ANK1: variants seen among roughly 807,000 people sequenced by gnomAD.
The protein encoded by ANK1 is ankyrin 1, also known as ankyrin-1.
In ANK1, 51 loss-of-function variants were observed where a neutral mutation model predicts 210.4. The observed-to-expected ratio is 0.24, with a 90% confidence interval of 0.19 to 0.31. ANK1 has a LOEUF of 0.31. ANK1 is among the 10% of genes least tolerant of loss of function. The pLI, the probability that ANK1 is intolerant of heterozygous loss-of-function variation, is 1.00. For synonymous variants in ANK1, 967 were observed against 1,025.9 expected, an observed-to-expected ratio of 0.94 and a Z score of 1.10; for missense variants, 2,051 against 2,504.4, an observed-to-expected ratio of 0.82 and a Z score of 3.86.
chr8:41,771,644 TTTTACCTAC>T (rs1842987272), intron 1 of ANK1, among the ~76,000 whole-genome samples: 1 of 152,200 alleles, frequency 6.6e-6, no homozygotes, highest in Admixed American at 6.5e-5. Context: ...TTGCTAAATA[TTTTACCTAC>T]TGTCTCCTTG....
chr8:41,780,151 C>T (rs542022953), intron 1 of ANK1, among the ~76,000 whole-genome samples: 1 of 152,224 alleles, frequency 6.6e-6, no homozygotes. Context: ...TCCCTAGGAA[C>T]TGGCCTGGGA....
At chr8:41,803,035 A>AAGAAAGAAAGAAAGAAAGAG (rs1394842416) in intron 1 of ANK1, among the ~76,000 whole-genome samples, 3 of 87,032 alleles carry the variant, frequency 3.4e-5, no homozygotes, top group Non-Finnish European at 7.2e-5. Context: ...GAAAGAAAGA[A>AAGAAAGAAAGAAAGAAAGAG]AGAAAGAGAA....
At chr8:41,784,322 C>T (rs1383795043) in intron 1 of ANK1, among the ~76,000 whole-genome samples, 1 of 152,196 alleles carries the variant, frequency 6.6e-6, no homozygotes, top group East Asian at 1.9e-4. Context: ...AAACAAAGAA[C>T]TTTAATGCAA....
intron 1 of ANK1, among the ~76,000 whole-genome samples, chr8:41,869,436 C>T (rs1381169643): frequency 6.6e-6 from 1 of 152,148 alleles, no homozygotes; most frequent in Non-Finnish European, 1.5e-5. Flanking sequence ...GAAAATTAGC[C>T]TGGCGTGGTG....
intron 8 of ANK1, 31 bp from the exon 9 acceptor site, chr8:41,723,254 C>A: frequency 6.2e-7 from 1 of 1,610,920 alleles, no homozygotes. Flanking sequence ...AACAGAAAGC[C>A]CAAAAGGCAG....
At chr8:41,689,218 G>T (rs1221318243) in intron 33 of ANK1, among the ~76,000 whole-genome samples, 1 of 152,030 alleles carries the variant, frequency 6.6e-6, no homozygotes, top group Non-Finnish European at 1.5e-5. Context: ...CAAACTCCCG[G>T]CCTCAAGTGA....
In ANK1 at chr8:41,717,668, A is replaced by G; in HGVS notation, c.1241T>C (p.Met414Thr). Reference protein sequence around the residue: ...GLTPLHVASFMGHLPIVKNLL... With the variant: ...GLTPLHVASFTGHLPIVKNLL... ...GTTCTTCACGATGGGAAGGTGCCCC[A>G]TGAAGGAGGCCACGTGGAGAGGTGT... Residue 414 changes from methionine (M) to threonine (T), a missense_variant, in exon 12 of 43, where the codon ATG becomes ACG. This residue lies in a region of ANK1 where 1,413 missense variants were observed against 1,707.4 expected (regional missense o/e 0.83). Transcript: ENST00000289734. 2 of 1,551,716 alleles carry G rather than the reference A, an allele frequency of 1.3e-6. No individual in the cohort carries two copies. The highest frequency in any genetic ancestry group is 1.7e-6 in the Non-Finnish European group (2 of 1,147,000).
intron 1 of ANK1, among the ~76,000 whole-genome samples, chr8:41,817,682 G>A (rs1803552568): frequency 6.6e-6 from 1 of 152,180 alleles, no homozygotes; most frequent in Non-Finnish European, 1.5e-5. Flanking sequence ...TGAGTACACA[G>A]TTCCATTTTA....
chr8:41,831,653 AAAGAAG>A (rs3041255), intron 1 of ANK1, among the ~76,000 whole-genome samples: 1,671 of 115,822 alleles, frequency 0.014, 63 homozygotes, highest in African/African-American at 0.063. Context: ...AAAAAAAAAA[AAAGAAG>A]AAGAAAAAGA....
chr8:41,745,628 C>T (rs1343121895), intron 2 of ANK1, among the ~76,000 whole-genome samples: 2 of 152,126 alleles, frequency 1.3e-5, no homozygotes, highest in East Asian at 1.9e-4. Context: ...ACAGGTGGCC[C>T]GCTGGGGCTT....
intron 2 of ANK1, among the ~76,000 whole-genome samples, chr8:41,749,311 T>G (rs1016662580): frequency 4.0e-5 from 6 of 149,352 alleles, no homozygotes; most frequent in African/African-American, 7.4e-5. Flanking sequence ...TTTTTTTTTT[T>G]TTTTGAGATG....
intron 1 of ANK1, among the ~76,000 whole-genome samples, chr8:41,791,464 C>G (rs550271219): frequency 3.6e-4 from 52 of 145,336 alleles, no homozygotes; most frequent in Non-Finnish European, 6.4e-4. Flanking sequence ...TTTTTTTGAA[C>G]GGAGACTTGC....
At chr8:41,670,198 C>T (rs1811831828) in intron 38 of ANK1, among the ~76,000 whole-genome samples, 1 of 152,128 alleles carries the variant, frequency 6.6e-6, no homozygotes, top group Admixed American at 6.5e-5. Flanking sequence ...TAGAACCACG[C>T]TTCTTGCAGG....
At chr8:41,842,836 TG>T (rs999705415) in intron 1 of ANK1, among the ~76,000 whole-genome samples, 6 of 152,140 alleles carry the variant, frequency 3.9e-5, no homozygotes, top group Admixed American at 1.3e-4. Context: ...AACACATTTT[TG>T]GGGGGTTGTT....
At chr8:41,780,785 T>C (rs996316922) in intron 1 of ANK1, among the ~76,000 whole-genome samples, 2 of 152,194 alleles carry the variant, frequency 1.3e-5, no homozygotes, top group Non-Finnish European at 2.9e-5. Context: ...TTTGTGTATA[T>C]ATGTTCTCGT....
chr8:41,860,985 G>A (rs1813165579), intron 1 of ANK1, among the ~76,000 whole-genome samples: 1 of 152,184 alleles, frequency 6.6e-6, no homozygotes, highest in Non-Finnish European at 1.5e-5. Flanking sequence ...CCTCGGAAAT[G>A]CCTTAACCCT....
At position 41,692,822 on chromosome 8, in the gene ANK1, C is replaced by T. The variant is rs1011502182; in HGVS notation, c.3684G>A (p.Leu1228=). 5.6e-6 allele frequency: 9 copies of T among 1,614,148 alleles called. No homozygotes were observed. The highest frequency in any genetic ancestry group is 7.6e-6 in the Non-Finnish European group (9 of 1,180,036). The part of the protein sequence containing the change: ...RTAEAVNFAT[L]LYKELTAVPY... ...GCACTGCAGTGAGCTCTTTGTACAGCAGGGTGGCAAAGTTCACAGCCTCAG... is the reference window on the plus strand; with the variant it reads ...GCACTGCAGTGAGCTCTTTGTACAGTAGGGTGGCAAAGTTCACAGCCTCAG... Residue 1228 remains leucine, a synonymous_variant, in exon 31 of 43, where the codon CTG becomes CTA. Transcript: ENST00000289734.
intron 1 of ANK1, among the ~76,000 whole-genome samples, chr8:41,891,058 G>A (rs1384766092): frequency 6.6e-6 from 1 of 152,190 alleles, no homozygotes; most frequent in Non-Finnish European, 1.5e-5. Context: ...GCAATGGGGT[G>A]GGGGTAAGGA....
intron 1 of ANK1, among the ~76,000 whole-genome samples, chr8:41,827,397 T>C (rs1356731664): frequency 3.3e-5 from 5 of 152,236 alleles, no homozygotes; most frequent in Admixed American, 3.3e-4. Flanking sequence ...CGTCTTAGAC[T>C]GCTCTCTGAG....
Sources: allele counts gnomAD v4.1 joint callset (sites outside exome capture counted in the v4.1 genomes callset), GRCh38; gene constraint gnomAD v4.1.1; regional missense constraint gnomAD v4.1.1; transcripts MANE v1.5; gene names NCBI Gene and HGNC (gene_info 2026-07-23, HGNC 2026-07-21).